The following TMEM266 variants were observed in gnomAD, a reference collection of about 807,000 sequenced individuals.
The protein encoded by TMEM266 is Hv1 related protein 1.
Under a neutral mutation model 50.5 loss-of-function variants are expected in TMEM266, and 33 were observed. That is an observed-to-expected ratio of 0.65 (90% CI 0.50 to 0.87). TMEM266 has a LOEUF of 0.87. Among genes scored for constraint, TMEM266 ranks in the 40% least tolerant of loss-of-function variants. TMEM266 has a pLI of 0.00. For missense variants in TMEM266, 655 were observed against 695.1 expected (o/e 0.94, Z 0.65); for synonymous variants, 310 against 292.3 (o/e 1.06, Z -0.62).
Position 76,192,061 on chromosome 15 carries a change from A to G in TMEM266, c.862A>G (p.Ser288Gly). Residue 288 changes from serine (S) to glycine (G), a missense_variant, in exon 9 of 11, where the codon AGC becomes GGC. Ser to Gly is a moderately conservative substitution (Grantham distance 56). Coordinates refer to ENST00000388942, the MANE Select transcript of TMEM266 (RefSeq NM_152335.3). The stretch of plus-strand genomic sequence containing the variant: ...GGCGCTCCAGGCCCCGCACGTGCTC[A>G]GCCAGCCGCGCAGCCGCTTCAAAGT... 1 of 1,507,458 alleles carries G rather than the reference A, an allele frequency of 6.6e-7. No homozygotes were observed. Among genetic ancestry groups the G allele is most frequent in the Non-Finnish European group, 8.8e-7 (1 of 1,134,464 alleles). 93.4% of individuals were successfully genotyped at this position (1,507,458 alleles called of 1,614,324 possible).
rs2038127305 is a variant in TMEM266, at chr15:76,168,173, C to T, written c.457-1643C>T. Among the ~76,000 whole-genome samples the T allele has an allele frequency of 6.6e-6, 1 of 152,188 alleles. No homozygotes were observed. Among genetic ancestry groups the T allele is most frequent in the Non-Finnish European group, 1.5e-5 (1 of 68,034 alleles). ...CCACCCAGATCTCTCCCCACCCCTGCAAGCTGTCTCGCAGTTAAGCGTGGG... is the reference window on the plus strand; with the variant it reads ...CCACCCAGATCTCTCCCCACCCCTGTAAGCTGTCTCGCAGTTAAGCGTGGG... On this transcript the variant is annotated intron_variant, in intron 5 of 10. Transcript: ENST00000388942. The surrounding 1 kb of genome is among the most constrained non-coding windows in gnomAD (Gnocchi z 4.4).
At chr15:76,202,119 G>C in intron 9 of TMEM266, 83 bp from the exon 10 acceptor site, 1 of 1,217,152 alleles carries the variant, frequency 8.2e-7, no homozygotes, top group Middle Eastern at 2.0e-4. Context: ...GCCTTCTCTT[G>C]TGACCGTGGG....
intron 9 of TMEM266, among the ~76,000 whole-genome samples, chr15:76,196,684 G>A (rs2038661945): frequency 1.3e-5 from 2 of 152,054 alleles, no homozygotes; most frequent in African/African-American, 2.4e-5. Flanking sequence ...ACAGAGCCTC[G>A]GGAGGGCCGT....
chr15:76,158,857 C>G (rs1417324671), intron 4 of TMEM266, among the ~76,000 whole-genome samples: 1 of 152,346 alleles, frequency 6.6e-6, no homozygotes, highest in East Asian at 1.9e-4. Flanking sequence ...GAGTCTCCCA[C>G]CTGGAACCTG....
chr15:76,167,225 C>T (rs1300208001), intron 5 of TMEM266, among the ~76,000 whole-genome samples: 1 of 152,134 alleles, frequency 6.6e-6, no homozygotes, highest in Non-Finnish European at 1.5e-5. Flanking sequence ...AATCCCAGCA[C>T]TTTGGGAGGC....
At chr15:76,074,538 C>T (rs566354593) in intron 1 of TMEM266, among the ~76,000 whole-genome samples, 1 of 152,152 alleles carries the variant, frequency 6.6e-6, no homozygotes, top group East Asian at 1.9e-4. Flanking sequence ...TATATGTCGT[C>T]TTTGCTGTGG....
rs181339778 is a variant in TMEM266 at position 76,202,385 on chromosome 15, G to T, written c.1021+121G>T. ...CTGGTGCCTGTGAACCATAACTGCA[G>T]GCAGTGCTCAAGGTTAAAATATCGG... On this transcript the variant is annotated intron_variant, in intron 10 of 10. Coordinates refer to ENST00000388942, the MANE Select transcript of TMEM266 (RefSeq NM_152335.3). 599 of 859,972 alleles carry T rather than the reference G, an allele frequency of 7.0e-4. 2 individuals carry two copies. In the African/African-American group the frequency reaches 9.1e-3, roughly 13 times the overall value. The allele number at this position is 859,972 out of a possible 1,614,324, so 53.3% of individuals were successfully genotyped here.
At chr15:76,143,341 T>G (rs1202778481) in intron 3 of TMEM266, among the ~76,000 whole-genome samples, 2 of 152,188 alleles carry the variant, frequency 1.3e-5, no homozygotes, top group South Asian at 2.1e-4. Flanking sequence ...TGTCTCAATC[T>G]GCTGCAGTCC....
chr15:76,104,618 A>T (rs2037054508), intron 1 of TMEM266, among the ~76,000 whole-genome samples: 1 of 149,978 alleles, frequency 6.7e-6, no homozygotes, highest in Non-Finnish European at 1.5e-5. Context: ...GGAGATGGAG[A>T]CGCTGCAGAT....
At chr15:76,097,023 G>A (rs2036931713) in intron 1 of TMEM266, among the ~76,000 whole-genome samples, 1 of 150,800 alleles carries the variant, frequency 6.6e-6, no homozygotes, top group Non-Finnish European at 1.5e-5. Flanking sequence ...ACGTGAGATG[G>A]GTCTCCTGAA....
At chr15:76,157,880 C>G (rs921682864) in intron 4 of TMEM266, among the ~76,000 whole-genome samples, 2 of 152,022 alleles carry the variant, frequency 1.3e-5, no homozygotes, top group African/African-American at 4.8e-5. Flanking sequence ...CCCAGCTCCT[C>G]GGGAGGCAGA....
At chr15:76,184,652 A>T (rs2038468313) in intron 8 of TMEM266, among the ~76,000 whole-genome samples, 1 of 152,226 alleles carries the variant, frequency 6.6e-6, no homozygotes, top group Admixed American at 6.5e-5. Context: ...ATTGATCAGG[A>T]CAAGGCCCGT....
chr15:76,066,714 C>T (rs7183492), intron 1 of TMEM266, among the ~76,000 whole-genome samples: 47,432 of 151,830 alleles, frequency 0.31, 8,384 homozygotes, highest in South Asian at 0.5. Context: ...AAGTTTTCAT[C>T]GGCATCTGCT....
chr15:76,127,251 T>C (rs1480881931), intron 1 of TMEM266, among the ~76,000 whole-genome samples: 7 of 151,972 alleles, frequency 4.6e-5, no homozygotes, highest in Non-Finnish European at 1.0e-4. Context: ...TTGTCAGTCA[T>C]ACCTCAGCTA....
At chr15:76,115,746 T>G (rs768111958) in intron 1 of TMEM266, among the ~76,000 whole-genome samples, 4 of 152,072 alleles carry the variant, frequency 2.6e-5, no homozygotes, top group Non-Finnish European at 5.9e-5. Context: ...CAGGGCGCTT[T>G]TCGTATTTGT....
At chr15:76,192,809 G>C (rs2038601195) in intron 9 of TMEM266, among the ~76,000 whole-genome samples, 1 of 152,212 alleles carries the variant, frequency 6.6e-6, no homozygotes, top group South Asian at 2.1e-4. Context: ...CCTTAGTTTT[G>C]CCAGCTGTCA....
At position 76,170,989 on chromosome 15, in the gene TMEM266, A is replaced by G. The variant is rs200727843; in HGVS notation, c.514-4A>G. ...AGGGCACTGAAATGGGCCTCCTCTC[A>G]CAGGTGTTTGACGGGGCTGTGATCA... On this transcript the variant is annotated splice_polypyrimidine_tract_variant and splice_region_variant and intron_variant, in intron 6 of 10. Transcript: ENST00000388942. 46 of 1,611,208 alleles carry G rather than the reference A, an allele frequency of 2.9e-5. No individual in the cohort carries two copies. Among genetic ancestry groups the G allele is most frequent in the Middle Eastern group, 3.6e-4 (2 of 5,530 alleles).
chr15:76,191,727 G>A (rs1567182788), intron 8 of TMEM266: 1 of 457,646 alleles, frequency 2.2e-6, no homozygotes, highest in Non-Finnish European at 3.8e-6. Flanking sequence ...CCGTGAGATG[G>A]GGGCCAGACT....
chr15:76,180,001 C>G (rs977238185), intron 8 of TMEM266, among the ~76,000 whole-genome samples: 1 of 152,172 alleles, frequency 6.6e-6, no homozygotes, highest in Non-Finnish European at 1.5e-5. Flanking sequence ...CTCCCTTGCT[C>G]TCTTGCTGGG....
Sources: gnomAD v4.1 joint callset for allele counts (sites outside exome capture counted in the v4.1 genomes callset) on GRCh38, gnomAD v4.1.1 for gene constraint, Gnocchi (gnomAD v3.1) non-coding constraint, MANE v1.5 for transcripts, NCBI Gene and HGNC (gene_info 2026-07-23, HGNC 2026-07-21) for gene names.